DOK6: variants seen among roughly 807,000 people sequenced by gnomAD.
DOK6 encodes downstream of tyrosine kinase 6.
A neutral mutation model predicts 44.0 loss-of-function variants in DOK6; 22 were observed. The ratio of observed to expected loss-of-function variants is 0.50; its 90% CI spans 0.36 to 0.71. The LOEUF (loss-of-function observed/expected upper bound fraction) is 0.71, where lower values mean the gene tolerates loss of function less well. DOK6 is among the 30% of genes least tolerant of loss of function. The pLI is 0.00. For missense variants in DOK6, 340 were observed against 416.4 expected (o/e 0.82, Z 1.60); for synonymous variants, 166 against 145.5 (o/e 1.14, Z -1.01).
At chr18:69,415,372 T>C (rs1437451025) in intron 1 of DOK6, among the ~76,000 whole-genome samples, 1 of 151,582 alleles carries the variant, frequency 6.6e-6, no homozygotes, top group Non-Finnish European at 1.5e-5. Flanking sequence ...AATTCTCTCA[T>C]GAAACTCAGG....
At position 69,845,065 on chromosome 18, in the gene DOK6, CCTT is replaced by C. The variant is rs1982317550; in HGVS notation, c.*3683_*3685del. Reference sequence around the variant, plus strand: ...ATGATAAAAATTGATGTGTGCCCCTCCTTGTTTGGCCAGTATCACAGAAAACTT... The same window carrying C: ...ATGATAAAAATTGATGTGTGCCCCTCGTTTGGCCAGTATCACAGAAAACTT... On this transcript the variant is annotated 3_prime_UTR_variant, in exon 8 of 8. Transcript: ENST00000382713. The C allele has an allele frequency of 6.6e-6, 1 of 152,140 alleles. No individual in the cohort carries two copies. Among genetic ancestry groups the C allele is most frequent in the Non-Finnish European group, 1.5e-5 (1 of 68,020 alleles). 9.4% of individuals were successfully genotyped at this position (152,140 alleles called of 1,614,324 possible). A position where few individuals can be genotyped will look rare whatever the true frequency, so the allele number is the denominator to read the frequency against.
chr18:69,558,100 C>CT (rs113869611), intron 1 of DOK6, among the ~76,000 whole-genome samples: 3 of 152,026 alleles, frequency 2.0e-5, no homozygotes, highest in African/African-American at 7.2e-5. Context: ...CTTTATTATT[C>CT]TTTTTTCTCC....
At chr18:69,538,756 A>T (rs1235148932) in intron 1 of DOK6, among the ~76,000 whole-genome samples, 1 of 151,924 alleles carries the variant, frequency 6.6e-6, no homozygotes, top group African/African-American at 2.4e-5. Context: ...TACTCTGGTC[A>T]CCTCTCTGAT....
chr18:69,788,013 C>T (rs1167880135), intron 7 of DOK6, among the ~76,000 whole-genome samples: 4 of 152,144 alleles, frequency 2.6e-5, no homozygotes, highest in Admixed American at 2.6e-4. Flanking sequence ...GCTGAGTCAC[C>T]AGCAGCTCTA....
intron 7 of DOK6, among the ~76,000 whole-genome samples, chr18:69,822,910 T>C (rs1981620451): frequency 6.6e-6 from 1 of 152,236 alleles, no homozygotes; most frequent in African/African-American, 2.4e-5. Context: ...ACCTATAGCA[T>C]ACATTGACAA....
chr18:69,608,021 C>T (rs1350680190), intron 3 of DOK6, among the ~76,000 whole-genome samples: 1 of 151,882 alleles, frequency 6.6e-6, no homozygotes, highest in Non-Finnish European at 1.5e-5. Flanking sequence ...ATACAAATGG[C>T]AAAATTGTTT....
chr18:69,580,230 C>T (rs1322204338), intron 2 of DOK6, among the ~76,000 whole-genome samples: 1 of 152,144 alleles, frequency 6.6e-6, no homozygotes. Flanking sequence ...AGAGAAAAAT[C>T]TGCTTCAAAG....
At chr18:69,486,135 A>G (rs917286572) in intron 1 of DOK6, among the ~76,000 whole-genome samples, 2 of 151,876 alleles carry the variant, frequency 1.3e-5, no homozygotes, top group African/African-American at 2.4e-5. Flanking sequence ...TATTATACTC[A>G]TTATTATTAT....
At chr18:69,698,834 A>G (rs1599270295) in intron 5 of DOK6, among the ~76,000 whole-genome samples, 1 of 152,126 alleles carries the variant, frequency 6.6e-6, no homozygotes, top group East Asian at 1.9e-4. Flanking sequence ...CTACCATCAA[A>G]CTCAAACTGG....
chr18:69,788,081 A>T (rs2145095072), intron 7 of DOK6, among the ~76,000 whole-genome samples: 1 of 152,282 alleles, frequency 6.6e-6, no homozygotes, highest in South Asian at 2.1e-4. Context: ...AAGGGTTTTA[A>T]ATGGTAGAGA....
chr18:69,826,305 T>G (rs1057125104), intron 7 of DOK6, among the ~76,000 whole-genome samples: 20 of 152,186 alleles, frequency 1.3e-4, no homozygotes, highest in Non-Finnish European at 1.8e-4. Flanking sequence ...CCTGCAGGTT[T>G]TCAGTTCCAT....
rs538172350 is a variant in DOK6 at position 69,556,947 on chromosome 18, T to C, written c.67-7540T>C. Among the ~76,000 whole-genome samples, 5 of 152,360 alleles carry C rather than the reference T, an allele frequency of 3.3e-5. No homozygotes were observed. The South Asian group carries it at 1.0e-3, about 32-fold the overall frequency. On this transcript the variant is annotated intron_variant, in intron 1 of 7. Transcript: ENST00000382713. ...CAAAGGGCAAACACTTAAGACCAAG[T>C]AACTGAAATTACTCATAGCATAAAC...
At chr18:69,687,537 C>T (rs1377938284) in intron 4 of DOK6, among the ~76,000 whole-genome samples, 1 of 152,058 alleles carries the variant, frequency 6.6e-6, no homozygotes, top group African/African-American at 2.4e-5. Context: ...CAAAAATTAG[C>T]CAGGTGTGGT....
At chr18:69,718,334 C>A (rs1986929595) in intron 5 of DOK6, among the ~76,000 whole-genome samples, 1 of 152,064 alleles carries the variant, frequency 6.6e-6, no homozygotes, top group Admixed American at 6.5e-5. Flanking sequence ...CCCCAACCCC[C>A]CAAAAGAAGC....
In DOK6 at chr18:69,428,367, C is replaced by G. The variant is rs1037464776; in HGVS notation, c.66+27057C>G. ...GTCTTCATTCATTCATTCCATGATA[C>G]AGATTTAGCATTTACTTGGTGCCAG... On this transcript the variant is annotated intron_variant, in intron 1 of 7. Coordinates refer to ENST00000382713, the MANE Select transcript of DOK6 (RefSeq NM_152721.6). 2.8e-4 allele frequency among the ~76,000 whole-genome samples: 42 copies of G among 151,980 alleles called. 1 individual carries two copies. The highest frequency in any genetic ancestry group is 1.0e-4 in the Non-Finnish European group (7 of 68,002).
chr18:69,704,237 C>A (rs967291571), intron 5 of DOK6, among the ~76,000 whole-genome samples: 2 of 152,176 alleles, frequency 1.3e-5, no homozygotes, highest in Non-Finnish European at 2.9e-5. Flanking sequence ...ACAGCCCCCC[C>A]ACCCCACATC....
intron 7 of DOK6, among the ~76,000 whole-genome samples, chr18:69,775,722 G>C (rs1382385602): frequency 2.6e-5 from 4 of 151,768 alleles, no homozygotes; most frequent in Non-Finnish European, 5.9e-5. Context: ...GATTACATTT[G>C]CCTGTTATAA....
intron 1 of DOK6, among the ~76,000 whole-genome samples, chr18:69,525,129 A>G (rs901116502): frequency 4.6e-5 from 7 of 151,816 alleles, no homozygotes; most frequent in African/African-American, 1.7e-4. Flanking sequence ...AAACTATGTA[A>G]GAAATGGAAA....
chr18:69,816,048 G>A (rs1040858928), intron 7 of DOK6, among the ~76,000 whole-genome samples: 1 of 152,148 alleles, frequency 6.6e-6, no homozygotes. Flanking sequence ...GAGAAATGGA[G>A]GAGAGCCAAA....
Sources: allele counts gnomAD v4.1 joint callset (sites outside exome capture counted in the v4.1 genomes callset), GRCh38; gene constraint gnomAD v4.1.1; transcripts MANE v1.5; gene names NCBI Gene and HGNC (gene_info 2026-07-23, HGNC 2026-07-21).